SHC3: variants seen among roughly 807,000 people sequenced by gnomAD.
SHC3 encodes the protein SHC-transforming protein 3.
A neutral mutation model predicts 60.4 loss-of-function variants in SHC3; 15 were observed. The ratio of observed to expected loss-of-function variants is 0.25; its 90% CI spans 0.17 to 0.38. SHC3 has a LOEUF of 0.38. SHC3 is among the 10% of genes least tolerant of loss of function. SHC3 has a pLI of 1.00. For missense variants in SHC3, 677 were observed against 786.1 expected (o/e 0.86, Z 1.66); for synonymous variants, 294 against 325.9 (o/e 0.90, Z 1.05).
At chr9:89,100,788 C>T (rs758789175) in intron 2 of SHC3, among the ~76,000 whole-genome samples, 2 of 152,132 alleles carry the variant, frequency 1.3e-5, no homozygotes, top group Non-Finnish European at 2.9e-5. Context: ...TTTTTGAGAT[C>T]CATCCACATT....
intron 2 of SHC3, among the ~76,000 whole-genome samples, chr9:89,098,637 G>C (rs6559342): frequency 6.6e-6 from 1 of 152,116 alleles, no homozygotes; most frequent in East Asian, 1.9e-4. Context: ...GGTGAAACCC[G>C]GTCTCTACTA....
chr9:89,072,560 A>G (rs1336102541), intron 4 of SHC3, among the ~76,000 whole-genome samples: 1 of 152,212 alleles, frequency 6.6e-6, no homozygotes, highest in Non-Finnish European at 1.5e-5. Context: ...TTGAAATGGG[A>G]AATTTCCATT....
intron 9 of SHC3, 27 bp downstream of exon 9, chr9:89,045,719 T>C: frequency 6.2e-7 from 1 of 1,608,526 alleles, no homozygotes; most frequent in Non-Finnish European, 8.5e-7. Flanking sequence ...CTTTTGTGTT[T>C]CTCACCCATC....
intron 1 of SHC3, among the ~76,000 whole-genome samples, chr9:89,164,944 A>G (rs1464626999): frequency 6.6e-6 from 1 of 152,228 alleles, no homozygotes; most frequent in East Asian, 1.9e-4. Context: ...TAAACTTAGT[A>G]TACACACAGT....
chr9:89,036,631 T>C (rs997447189), intron 11 of SHC3, among the ~76,000 whole-genome samples: 16 of 152,170 alleles, frequency 1.1e-4, no homozygotes, highest in African/African-American at 3.9e-4. Context: ...ACCACAGTAA[T>C]GATCTGATAA....
intron 2 of SHC3, among the ~76,000 whole-genome samples, chr9:89,092,383 C>T (rs1042658691): frequency 4.6e-5 from 7 of 151,976 alleles, no homozygotes; most frequent in African/African-American, 9.7e-5. Flanking sequence ...TTTGGGAGGC[C>T]GAGGCAGGCA....
intron 1 of SHC3, among the ~76,000 whole-genome samples, chr9:89,155,431 G>A (rs921713729): frequency 1.3e-5 from 2 of 152,142 alleles, no homozygotes; most frequent in Non-Finnish European, 2.9e-5. Flanking sequence ...TGATGGTCTT[G>A]GGGGTCTCAG....
intron 1 of SHC3, among the ~76,000 whole-genome samples, chr9:89,175,897 G>A (rs1010663215): frequency 2.0e-5 from 3 of 152,118 alleles, no homozygotes; most frequent in Admixed American, 6.5e-5. Context: ...TGGGCAATGC[G>A]GGAATTTGCA....
At chr9:89,058,708 TGGA>T (rs111547099) in intron 6 of SHC3, among the ~76,000 whole-genome samples, 12,117 of 137,404 alleles carry the variant, frequency 0.088, 549 homozygotes, top group African/African-American at 0.11. Flanking sequence ...GTGGAGGACG[TGGA>T]GGAGGACAGT....
chr9:89,075,059 T>G (rs778527367), intron 4 of SHC3, 50 bp downstream of exon 4: 3 of 1,596,342 alleles, frequency 1.9e-6, no homozygotes, highest in South Asian at 2.3e-5. Flanking sequence ...TGCGAAACAC[T>G]CATCACCTGG....
intron 2 of SHC3, among the ~76,000 whole-genome samples, chr9:89,095,913 C>T (rs918117540): frequency 1.2e-4 from 19 of 152,162 alleles, no homozygotes; most frequent in Non-Finnish European, 2.2e-4. Context: ...AGCTAAGACA[C>T]TTCCAAACCT....
chr9:89,169,455 C>T (rs1025409418), intron 1 of SHC3, among the ~76,000 whole-genome samples: 6 of 152,336 alleles, frequency 3.9e-5, no homozygotes, highest in African/African-American at 1.4e-4. Context: ...GAGGCACCAC[C>T]CAGACCTGCA....
chr9:89,073,595 G>A (rs1409082813), intron 4 of SHC3, among the ~76,000 whole-genome samples: 4 of 152,126 alleles, frequency 2.6e-5, no homozygotes, highest in Non-Finnish European at 5.9e-5. Context: ...CCAGTCCCCT[G>A]GGTGTCCAGA....
chr9:89,060,331 GTCGTGGAGGACA>G (rs1449162911), intron 6 of SHC3, among the ~76,000 whole-genome samples: 1 of 151,130 alleles, frequency 6.6e-6, no homozygotes, highest in Non-Finnish European at 1.5e-5. Context: ...GTGTAGGACA[GTCGTGGAGGACA>G]TGGTAGAGGA....
intron 2 of SHC3, among the ~76,000 whole-genome samples, chr9:89,107,175 G>C (rs1189224100): frequency 6.6e-6 from 1 of 152,144 alleles, no homozygotes; most frequent in Non-Finnish European, 1.5e-5. Flanking sequence ...TCGTACACCT[G>C]CCATATTGTT....
intron 1 of SHC3, among the ~76,000 whole-genome samples, chr9:89,123,051 T>C (rs958375308): frequency 2.6e-5 from 4 of 152,172 alleles, no homozygotes; most frequent in African/African-American, 9.7e-5. Flanking sequence ...GCAGCCAATC[T>C]GCCAGGTGGG....
intron 7 of SHC3, among the ~76,000 whole-genome samples, chr9:89,049,120 G>A (rs1587695075): frequency 6.6e-6 from 1 of 152,170 alleles, no homozygotes; most frequent in Non-Finnish European, 1.5e-5. Flanking sequence ...AATTAGCCGG[G>A]CGTGGTGGCA....
chr9:89,091,461 A>T lies in SHC3; in HGVS notation c.546-13558T>A, dbSNP rs558865745. 9.2e-4 allele frequency among the ~76,000 whole-genome samples: 140 copies of T among 152,358 alleles called. 1 individual carries two copies. The highest frequency in any genetic ancestry group is 3.3e-3 in the African/African-American group (139 of 41,582). On this transcript the variant is annotated intron_variant, in intron 2 of 11. Transcript: ENST00000375835. ...CTAACTGGCTATCTTATTACAGGTA[A>T]ACTAAAAATCCATACATACAAAGTA...
rs1457436717 is a variant in SHC3 at position 89,042,180 on chromosome 9, G to A, written c.1206C>T (p.Ser402=). ...DWQQTPLRQG[S]SDIYSTPEGK... ...CTTCTGGCGTGCTGTAGATGTCCGA[G>A]GACCCTGCAACAAGAAAGTGAGCCC... Residue 402 remains serine, a synonymous_variant, in exon 10 of 12, where the codon TCC becomes TCT. Transcript: ENST00000375835. 1 of 1,505,690 alleles carries A rather than the reference G, an allele frequency of 6.6e-7. No homozygotes were observed. Among genetic ancestry groups the A allele is most frequent in the Non-Finnish European group, 8.8e-7 (1 of 1,133,206 alleles). The allele number at this position is 1,505,690 out of a possible 1,614,324, so 93.3% of individuals were successfully genotyped here. A position where few individuals can be genotyped will look rare whatever the true frequency, so the allele number is the denominator to read the frequency against.
Sources: gnomAD v4.1 joint callset for allele counts (sites outside exome capture counted in the v4.1 genomes callset) on GRCh38, gnomAD v4.1.1 for gene constraint, MANE v1.5 for transcripts, NCBI Gene and HGNC (gene_info 2026-07-23, HGNC 2026-07-21) for gene names.